ARHGEF3: variants seen among roughly 807,000 people sequenced by gnomAD.
The protein encoded by ARHGEF3 is 59.8 kDA protein.
ARHGEF3 carries 28 observed loss-of-function variants against 63.2 expected under a neutral mutation model. The ratio of observed to expected loss-of-function variants is 0.44; its 90% CI spans 0.33 to 0.61. The LOEUF (loss-of-function observed/expected upper bound fraction) is 0.61. Ranked by LOEUF, ARHGEF3 falls within the 20% of genes least tolerant of loss-of-function variation. ARHGEF3 has a pLI of 0.03. For synonymous variants in ARHGEF3, 266 were observed against 254.2 expected (o/e 1.05, Z -0.44); for missense variants, 533 against 659.3 (o/e 0.81, Z 2.10).
intron 1 of ARHGEF3, among the ~76,000 whole-genome samples, chr3:57,072,956 G>C (rs1287701928): frequency 6.6e-6 from 1 of 152,168 alleles, no homozygotes; most frequent in Non-Finnish European, 1.5e-5. Context: ...TGAAGCAGGA[G>C]AATCACTTGA....
intron 2 of ARHGEF3, among the ~76,000 whole-genome samples, chr3:57,000,198 A>G (rs561883848): frequency 6.6e-6 from 1 of 152,264 alleles, no homozygotes; most frequent in African/African-American, 2.4e-5. Flanking sequence ...ACTTCTCTAC[A>G]AAGAGCGCCC....
intron 2 of ARHGEF3, among the ~76,000 whole-genome samples, chr3:56,996,881 A>ATTTTTT (rs1702010259): frequency 9.3e-6 from 1 of 107,220 alleles, no homozygotes; most frequent in African/African-American, 3.1e-5. Context: ...TATTATTATT[A>ATTTTTT]TTATTATTAT....
chr3:56,987,494 G>A (rs1476836715), intron 2 of ARHGEF3, among the ~76,000 whole-genome samples: 1 of 152,190 alleles, frequency 6.6e-6, no homozygotes, highest in Non-Finnish European at 1.5e-5. Context: ...CTGCAGGCAG[G>A]AGGGAAGGAG....
chr3:57,008,220 A>C (rs1281841677), intron 2 of ARHGEF3, among the ~76,000 whole-genome samples: 1 of 152,160 alleles, frequency 6.6e-6, no homozygotes, highest in Non-Finnish European at 1.5e-5. Context: ...ATTAATCCCT[A>C]GGAGGTGGCC....
chr3:57,021,733 C>G (rs1703267310), intron 2 of ARHGEF3, among the ~76,000 whole-genome samples: 1 of 142,910 alleles, frequency 7.0e-6, no homozygotes, highest in African/African-American at 2.6e-5. Flanking sequence ...AGCCTGGCGA[C>G]AGAGGAAGAC....
chr3:56,848,157 G>A (rs928789224), intron 4 of ARHGEF3, among the ~76,000 whole-genome samples: 1 of 152,162 alleles, frequency 6.6e-6, no homozygotes, highest in Admixed American at 6.5e-5. Flanking sequence ...TGGATTAAAT[G>A]ATAGGGTGTC....
chr3:56,878,904 C>T (rs988140453), intron 4 of ARHGEF3, among the ~76,000 whole-genome samples: 4 of 152,238 alleles, frequency 2.6e-5, no homozygotes, highest in Admixed American at 2.0e-4. Flanking sequence ...TTCTCATTAC[C>T]GCCTGAGTTC....
intron 6 of ARHGEF3, among the ~76,000 whole-genome samples, chr3:56,748,339 T>C (rs976984957): frequency 7.2e-5 from 11 of 152,138 alleles, no homozygotes; most frequent in Non-Finnish European, 1.5e-4. Context: ...CCCTAGAATA[T>C]TTTTATTGAA....
chr3:56,982,695 T>C (rs1701372160), intron 2 of ARHGEF3, among the ~76,000 whole-genome samples: 1 of 152,122 alleles, frequency 6.6e-6, no homozygotes, highest in African/African-American at 2.4e-5. Flanking sequence ...GGTGAATGAA[T>C]GAATGAATGA....
chr3:57,059,871 C>G (rs1409686075), intron 1 of ARHGEF3, among the ~76,000 whole-genome samples: 1 of 152,138 alleles, frequency 6.6e-6, no homozygotes, highest in Non-Finnish European at 1.5e-5. Context: ...TGGCACATGC[C>G]TGTAATCCCA....
intron 9 of ARHGEF3, among the ~76,000 whole-genome samples, chr3:56,730,752 C>T (rs1349800039): frequency 2.6e-5 from 4 of 152,208 alleles, no homozygotes; most frequent in East Asian, 1.9e-4. Flanking sequence ...GCTTGGTTCA[C>T]AGAAGCATCT....
At chr3:56,928,855 T>G (rs924924510) in intron 3 of ARHGEF3, among the ~76,000 whole-genome samples, 1 of 152,024 alleles carries the variant, frequency 6.6e-6, no homozygotes, top group African/African-American at 2.4e-5. Context: ...CAGGGCCACA[T>G]GGGTAAAGAA....
intron 1 of ARHGEF3, among the ~76,000 whole-genome samples, chr3:57,055,798 C>A (rs534097164): frequency 1.3e-5 from 2 of 152,300 alleles, no homozygotes; most frequent in East Asian, 3.9e-4. Context: ...CAACAGAATT[C>A]CAATGCACAT....
At chr3:56,914,722 G>A (rs2041940441) in intron 3 of ARHGEF3, among the ~76,000 whole-genome samples, 1 of 152,176 alleles carries the variant, frequency 6.6e-6, no homozygotes, top group Admixed American at 6.5e-5. Flanking sequence ...AGGACATTAT[G>A]CAAAGTGAAA....
intron 4 of ARHGEF3, among the ~76,000 whole-genome samples, chr3:56,866,466 A>G (rs1257494501): frequency 6.6e-6 from 1 of 152,202 alleles, no homozygotes; most frequent in African/African-American, 2.4e-5. Context: ...GCAGGGAAGC[A>G]TTCCACCTTG....
intron 3 of ARHGEF3, among the ~76,000 whole-genome samples, chr3:56,886,012 A>G (rs1199869158): frequency 1.4e-4 from 21 of 152,228 alleles, no homozygotes. Context: ...GTCCTTGGAT[A>G]TAGCAGTGAA....
intron 4 of ARHGEF3, among the ~76,000 whole-genome samples, chr3:56,812,152 C>A (rs1256804494): frequency 1.3e-5 from 2 of 152,154 alleles, no homozygotes; most frequent in Non-Finnish European, 2.9e-5. Flanking sequence ...ACGGAGGAAG[C>A]AAATCCAGAG....
At position 56,737,224 on chromosome 3, in the gene ARHGEF3, G is replaced by C; in HGVS notation, c.1002C>G (p.Val334=). 6.2e-7 allele frequency: 1 copy of C among 1,614,050 alleles called. No individual in the cohort carries two copies. Among genetic ancestry groups the C allele is most frequent in the Non-Finnish European group, 8.5e-7 (1 of 1,179,968 alleles). The part of the protein sequence containing the change: ...QKDSLIDSSR[V]LCCHGELKNN... ...TCTTCAGTTCACCATGACAACACAA[G>C]ACTCGAGAGCTGTCGATCAGGGAGT... Residue 334 remains valine, a synonymous_variant, in exon 8 of 10, where the codon GTC becomes GTG. Coordinates refer to ENST00000296315, the MANE Select transcript of ARHGEF3 (RefSeq NM_019555.3).
rs1246400046 is a variant in ARHGEF3, at chr3:57,007,245, T to C, written c.62+27843A>G. On this transcript the variant is annotated intron_variant, in intron 2 of 12. Coordinates refer to the ARHGEF3 transcript ENST00000338458. ...GGTGGGGGGGTCAATAACACCATAC[T>C]TCAGCCACATAAATCAGACTTTCTC... is the stretch of plus-strand genomic sequence containing the variant. 4 of 1,289,714 alleles carry C rather than the reference T, an allele frequency of 3.1e-6. No individual in the cohort carries two copies. In the Admixed American group the frequency reaches 9.2e-5, roughly 30 times the overall value. The allele number at this position is 1,289,714 out of a possible 1,614,324, so 79.9% of individuals were successfully genotyped here. A position where few individuals can be genotyped will look rare whatever the true frequency, so the allele number is the denominator to read the frequency against.
Sources: allele counts gnomAD v4.1 joint callset (sites outside exome capture counted in the v4.1 genomes callset), GRCh38; gene constraint gnomAD v4.1.1; transcripts MANE v1.5; gene names NCBI Gene and HGNC (gene_info 2026-07-23, HGNC 2026-07-21).